Variants in SPAST observed in about 807,000 individuals in gnomAD.
The protein encoded by SPAST is spastic paraplegia 4 (autosomal dominant; spastin).
A neutral mutation model predicts 76.6 loss-of-function variants in SPAST; 30 were observed. The observed-to-expected ratio is 0.39, with a 90% CI of 0.29 to 0.53. SPAST has a LOEUF of 0.53. Among genes scored for constraint, SPAST ranks in the 20% least tolerant of loss-of-function variants. The pLI is 0.68. For synonymous variants in SPAST, 305 were observed against 281.0 expected (o/e 1.09, Z -0.86); for missense variants, 717 against 770.5 (o/e 0.93, Z 0.82).
At chr2:32,117,149 A>G (rs1678864899) in intron 7 of SPAST, among the ~76,000 whole-genome samples, 1 of 151,972 alleles carries the variant, frequency 6.6e-6, no homozygotes, top group Non-Finnish European at 1.5e-5. Flanking sequence ...GCTACTCGGG[A>G]TGCTGAGGCA....
chr2:32,093,073 G>A (rs192161692), intron 3 of SPAST, among the ~76,000 whole-genome samples: 5 of 150,894 alleles, frequency 3.3e-5, no homozygotes, highest in East Asian at 1.9e-4. Context: ...AGACTGAGGC[G>A]AGCAGATCAC....
At chr2:32,079,908 AT>A (rs1205364367) in intron 1 of SPAST, among the ~76,000 whole-genome samples, 1 of 152,122 alleles carries the variant, frequency 6.6e-6, no homozygotes, top group Non-Finnish European at 1.5e-5. Flanking sequence ...TGGTCTAAAT[AT>A]CTGTTTAAGT....
intron 1 of SPAST, among the ~76,000 whole-genome samples, chr2:32,073,356 A>T (rs1019949585): frequency 6.6e-6 from 1 of 152,092 alleles, no homozygotes; most frequent in African/African-American, 2.4e-5. Flanking sequence ...TTGAAGAAGG[A>T]TGTTCCCTAA....
intron 4 of SPAST, among the ~76,000 whole-genome samples, chr2:32,101,191 T>C (rs1192582444): frequency 6.6e-6 from 1 of 152,208 alleles, no homozygotes; most frequent in Non-Finnish European, 1.5e-5. Flanking sequence ...TGGTTTTGAT[T>C]TGCATTTCTC....
At chr2:32,127,194 C>G in intron 8 of SPAST, 172 bp downstream of exon 8, 1 of 611,282 alleles carries the variant, frequency 1.6e-6, no homozygotes, top group Non-Finnish European at 2.9e-6. Context: ...CTGGGCTCAC[C>G]GCAACCTCCG....
Position 32,121,859 on chromosome 2 carries a change from A to G in SPAST, c.1099-5089A>G, listed in dbSNP as rs577702453. On this transcript the variant is annotated intron_variant, in intron 7 of 16. Coordinates refer to ENST00000315285, the MANE Select transcript of SPAST (RefSeq NM_014946.4). ...GTGCCCAGCCCTATTCTGATTTCAT[A>G]GATGCAGTGTCTTTTATGTCTCTGA... Among the ~76,000 whole-genome samples the G allele has an allele frequency of 6.4e-4, 98 of 152,224 alleles. 1 individual carries two copies. The highest frequency in any genetic ancestry group is 2.3e-3 in the African/African-American group (94 of 41,552).
intron 1 of SPAST, among the ~76,000 whole-genome samples, chr2:32,072,083 C>T (rs934513940): frequency 6.6e-6 from 1 of 152,186 alleles, no homozygotes; most frequent in Non-Finnish European, 1.5e-5. Flanking sequence ...CGCTCTGTTG[C>T]CCAGGCTGGA....
rs565500003 is a variant in SPAST at position 32,108,364 on chromosome 2, C to G, written c.683-6274C>G. ...TTGATGACTCTCACGTAGCAACTTTCACCCGTAGTTTGGTTTCATATACAA... is the reference window on the plus strand; with the variant it reads ...TTGATGACTCTCACGTAGCAACTTTGACCCGTAGTTTGGTTTCATATACAA... On this transcript the variant is annotated intron_variant, in intron 4 of 16. Transcript: ENST00000315285. Among the ~76,000 whole-genome samples the G allele has an allele frequency of 2.6e-5, 4 of 152,240 alleles. No homozygotes were observed. The East Asian group carries it at 7.7e-4, about 29-fold the overall frequency.
chr2:32,098,256 AG>A (rs1375094878), intron 3 of SPAST, among the ~76,000 whole-genome samples: 2 of 152,144 alleles, frequency 1.3e-5, no homozygotes, highest in Non-Finnish European at 2.9e-5. Context: ...GCTTAAGGCC[AG>A]GAGCTTGAGC....
intron 15 of SPAST, among the ~76,000 whole-genome samples, chr2:32,146,851 CAAAAAAAAA>C (rs397984237): frequency 5.8e-3 from 112 of 19,236 alleles, no homozygotes; most frequent in Middle Eastern, 0.025. Context: ...GACTCTGTCT[CAAAAAAAAA>C]AAAAAAAAAA....
At chr2:32,093,680 T>C (rs987031654) in intron 3 of SPAST, among the ~76,000 whole-genome samples, 12 of 152,214 alleles carry the variant, frequency 7.9e-5, no homozygotes, top group Non-Finnish European at 1.6e-4. Context: ...ATATCCCAAG[T>C]GCCTACAACA....
intron 4 of SPAST, among the ~76,000 whole-genome samples, 156 bp downstream of exon 4, chr2:32,099,047 G>A (rs1261722795): frequency 1.3e-5 from 2 of 152,104 alleles, no homozygotes; most frequent in Non-Finnish European, 2.9e-5. Context: ...TATCATCATA[G>A]TATATAAACA....
At chr2:32,092,378 A>G (rs1162649159) in intron 3 of SPAST, among the ~76,000 whole-genome samples, 2 of 152,220 alleles carry the variant, frequency 1.3e-5, no homozygotes, top group East Asian at 1.9e-4. Flanking sequence ...CAGTGTATAT[A>G]TAAAGTATAT....
At position 32,093,355 on chromosome 2, in the gene SPAST, A is replaced by C. The variant is rs372234890; in HGVS notation, c.586+3750A>C. Among the ~76,000 whole-genome samples the C allele has an allele frequency of 4.9e-4, 71 of 146,290 alleles. 3 individuals are homozygous for C. In the East Asian group the frequency reaches 0.012, roughly 24 times the overall value. ...AAAATAGCCGGGCATGGTGGCGGGCACCTCTAATCTCACCTACTTGGGAGG... is the reference window on the plus strand; with the variant it reads ...AAAATAGCCGGGCATGGTGGCGGGCCCCTCTAATCTCACCTACTTGGGAGG... On this transcript the variant is annotated intron_variant, in intron 3 of 16. Transcript: ENST00000315285.
intron 1 of SPAST, 87 bp downstream of exon 1, chr2:32,064,333 C>A: frequency 7.8e-7 from 1 of 1,277,184 alleles, no homozygotes; most frequent in South Asian, 1.3e-5. Context: ...CGTCCCTTTT[C>A]TGCGGGAGGG....
Position 32,137,192 on chromosome 2 carries a change from G to C in SPAST, c.1493+4G>C. On this transcript the variant is annotated splice_donor_region_variant and intron_variant, in intron 12 of 16. Coordinates refer to ENST00000315285, the MANE Select transcript of SPAST (RefSeq NM_014946.4). ...AGCTTGATGAGGCTGTTCTCAGGTA[G>C]GGAGATTTATATGGAAATACATGCA... The C allele has an allele frequency of 6.2e-7, 1 of 1,601,726 alleles. No individual in the cohort carries two copies. Among genetic ancestry groups the C allele is most frequent in the Non-Finnish European group, 8.6e-7 (1 of 1,168,806 alleles).
intron 16 of SPAST, among the ~76,000 whole-genome samples, chr2:32,148,955 C>T (rs1679985349): frequency 6.7e-6 from 1 of 149,562 alleles, no homozygotes. Flanking sequence ...GCCTGGGCGA[C>T]AGAGTGAGAC....
Position 32,063,903 on chromosome 2 carries a change from T to G in SPAST, c.72T>G (p.Pro24=). 1 of 1,580,856 alleles carries G rather than the reference T, an allele frequency of 6.3e-7. No individual in the cohort carries two copies. Among genetic ancestry groups the G allele is most frequent in the Non-Finnish European group, 8.6e-7 (1 of 1,165,176 alleles). The change falls in exon 1 of 17, where the codon CCT becomes CCG. Residue 24 remains proline (P), a synonymous_variant. Coordinates refer to ENST00000315285, the MANE Select transcript of SPAST (RefSeq NM_014946.4). ...CCAGCAACCCGGTGCCTCCCAGGCC[T>G]CCGCCCCCTTGCCTGGCCCCCGCCC... ...GGASNPVPPR[P]PPPCLAPAPP... is the part of the protein sequence containing the mutation.
rs78446411 is a variant in SPAST at position 32,100,029 on chromosome 2, A to G, written c.682+1138A>G. Among the ~76,000 whole-genome samples, 1,117 of 152,190 alleles carry G rather than the reference A, an allele frequency of 7.3e-3. 26 individuals carry two copies. In the East Asian group the frequency reaches 0.077, roughly 10 times the overall value. On this transcript the variant is annotated intron_variant, in intron 4 of 16. Transcript: ENST00000315285. ...TTTCTTTCCTTTGGATAAATTCCCA[A>G]TAGTGGGATTGGTGGGTCATATGGT...
Sources: allele counts gnomAD v4.1 joint callset (sites outside exome capture counted in the v4.1 genomes callset), GRCh38; gene constraint gnomAD v4.1.1; transcripts MANE v1.5; gene names NCBI Gene and HGNC (gene_info 2026-07-23, HGNC 2026-07-21).